The following TH variants were observed in gnomAD, a reference collection of about 807,000 sequenced individuals.
TH encodes the protein tyrosine hydroxylase.
In TH, 49 loss-of-function variants were observed where a neutral mutation model predicts 57.4. The observed-to-expected ratio is 0.85, with a 90% CI of 0.68 to 1.08. The LOEUF is 1.08. Among genes scored for constraint, TH ranks in the 50% least tolerant of loss-of-function variants. TH has a pLI of 0.00. For missense variants in TH, 720 were observed against 696.7 expected (o/e 1.03, Z -0.38); for synonymous variants, 330 against 304.5 (o/e 1.08, Z -0.87).
Position 2,164,148 on chromosome 11 carries a change from G to T in TH, c.*85C>A. 8.0e-7 allele frequency: 1 copy of T among 1,256,378 alleles called. No individual in the cohort carries two copies. Among genetic ancestry groups the T allele is most frequent in the Non-Finnish European group, 1.0e-6 (1 of 979,796 alleles). 77.8% of individuals were successfully genotyped at this position (1,256,378 alleles called of 1,614,324 possible). ...GCAGGGAGGGCATGGGGGGCACCCGGGACCCAGCCCCTCACCAGGGCCTGA... is the reference window on the plus strand; with the variant it reads ...GCAGGGAGGGCATGGGGGGCACCCGTGACCCAGCCCCTCACCAGGGCCTGA... On this transcript the variant is annotated 3_prime_UTR_variant, in exon 13 of 13. Transcript: ENST00000352909.
At chr11:2,168,736 G>A in intron 2 of TH, 71 bp from the exon 3 acceptor site, 2 of 456,336 alleles carry the variant, frequency 4.4e-6, no homozygotes, top group Non-Finnish European at 4.5e-6. Flanking sequence ...GGTGGGGTGG[G>A]CGGGGAGGAG....
At chr11:2,168,261 C>T (rs1057198007) in intron 3 of TH, 82 bp from the exon 4 acceptor site, 17 of 1,507,326 alleles carry the variant, frequency 1.1e-5, no homozygotes, top group Non-Finnish European at 1.5e-5. Context: ...GCCTCCCCTA[C>T]AAGACTTCCG....
rs1385703802 is a variant in TH at position 2,170,527 on chromosome 11, G to A, written c.91-656C>T. Reference sequence around the variant, plus strand: ...CCCAGAGCCGTCCCAGGCCTGGACAGAGGGGGACTTGGCAGACACCTGGGG... The same window carrying A: ...CCCAGAGCCGTCCCAGGCCTGGACAAAGGGGGACTTGGCAGACACCTGGGG... On this transcript the variant is annotated intron_variant, in intron 1 of 12. Coordinates refer to ENST00000352909, the MANE Select transcript of TH (RefSeq NM_000360.4). The surrounding 1 kb of genome is among the most constrained non-coding windows in gnomAD (Gnocchi z 6.0). 1.3e-5 allele frequency among the ~76,000 whole-genome samples: 2 copies of A among 152,172 alleles called. No individual in the cohort carries two copies. The highest frequency in any genetic ancestry group is 2.4e-5 in the African/African-American group (1 of 41,440).
rs1050669559 is a variant in TH at position 2,171,402 on chromosome 11, C to G, written c.90+295G>C. Among the ~76,000 whole-genome samples, 1 of 151,740 alleles carries G rather than the reference C, an allele frequency of 6.6e-6. No individual in the cohort carries two copies. The highest frequency in any genetic ancestry group is 2.4e-5 in the African/African-American group (1 of 41,256). ...GATGGATTTGTTTCCACATTCCGAT[C>G]GTTAAGATTCAAGATGAAACAAGAC... On this transcript the variant is annotated intron_variant, in intron 1 of 12. Coordinates refer to ENST00000352909, the MANE Select transcript of TH (RefSeq NM_000360.4). The surrounding 1 kb of genome is among the most constrained non-coding windows in gnomAD (Gnocchi z 8.6).
Position 2,170,749 on chromosome 11 carries a change from T to C in TH, c.91-878A>G. 1.4e-6 allele frequency: 2 copies of C among 1,458,020 alleles called. No homozygotes were observed. The highest frequency in any genetic ancestry group is 1.8e-6 in the Non-Finnish European group (2 of 1,099,458). The allele number at this position is 1,458,020 out of a possible 1,614,324, so 90.3% of individuals were successfully genotyped here. A position where few individuals can be genotyped will look rare whatever the true frequency, so the allele number is the denominator to read the frequency against. ...GCAGTTCCAGGCCACGGAGAGCCTG[T>C]GAGGCTGGGCCCCGGGGCGCCCTGG... On this transcript the variant is annotated intron_variant, in intron 1 of 12. Coordinates refer to ENST00000352909, the MANE Select transcript of TH (RefSeq NM_000360.4). This position sits in a 1 kb window ranked among gnomAD's most constrained non-coding sequence, Gnocchi z 6.0.
intron 12 of TH, 142 bp from the exon 13 acceptor site, chr11:2,164,534 G>A (rs1399994643): frequency 1.3e-5 from 12 of 924,600 alleles, no homozygotes; most frequent in Admixed American, 6.7e-5. Context: ...GGTCACAGGC[G>A]GGACACTGAG....
Position 2,164,356 on chromosome 11 carries a change from C to T in TH, c.1371G>A (p.Val457=). The change falls in exon 13 of 13, where the codon GTG becomes GTA. Residue 457 remains valine (V), a synonymous_variant. Coordinates refer to ENST00000352909, the MANE Select transcript of TH (RefSeq NM_000360.4). ...TGGCCAGCGTGTACGGGTCGAACTTCACGGAGAAGGGGCGCTGGATGCGTG... is the reference window on the plus strand; with the variant it reads ...TGGCCAGCGTGTACGGGTCGAACTTTACGGAGAAGGGGCGCTGGATGCGTG... ...YASRIQRPFS[V]KFDPYTLAID... 2 of 1,549,940 alleles carry T rather than the reference C, an allele frequency of 1.3e-6. No individual in the cohort carries two copies. Among genetic ancestry groups the T allele is most frequent in the Non-Finnish European group, 1.7e-6 (2 of 1,145,538 alleles).
rs2133691226 is a variant in TH at position 2,166,062 on chromosome 11, T to C, written c.1048-4A>G. 19 of 1,554,182 alleles carry C rather than the reference T, an allele frequency of 1.2e-5. No individual in the cohort carries two copies. The highest frequency in any genetic ancestry group is 1.7e-5 in the Non-Finnish European group (19 of 1,148,546). On this transcript the variant is annotated splice_polypyrimidine_tract_variant and splice_region_variant and intron_variant, in intron 9 of 12. Coordinates refer to ENST00000352909, the MANE Select transcript of TH (RefSeq NM_000360.4). ...CCAGGGACGCCAGGCCAATGTCCTGTGGAGCAGGGAGGATGAAGGATGGGG... is the reference window on the plus strand; with the variant it reads ...CCAGGGACGCCAGGCCAATGTCCTGCGGAGCAGGGAGGATGAAGGATGGGG...
chr11:2,165,420 A>C (rs1846060860), intron 11 of TH, 55 bp from the exon 12 acceptor site: 9 of 1,600,210 alleles, frequency 5.6e-6, no homozygotes, highest in Non-Finnish European at 7.6e-6. Context: ...CCCCGAGGGA[A>C]CTGGGGCACC....
chr11:2,169,100 C>G (rs1309561896), intron 2 of TH, among the ~76,000 whole-genome samples: 1 of 152,200 alleles, frequency 6.6e-6, no homozygotes, highest in Non-Finnish European at 1.5e-5. Context: ...TCCACCCCCA[C>G]CTCCTGTTGC....
chr11:2,168,076 GGGCGCACCA>G lies in TH; in HGVS notation c.576+6_576+14del, dbSNP rs775531779. On this transcript the variant is annotated splice_donor_region_variant and intron_variant, in intron 4 of 12. Coordinates refer to ENST00000352909, the MANE Select transcript of TH (RefSeq NM_000360.4). ...ATCAGGGGCAGGAGGCCTGAGTGAG[GGGCGCACCA>G]CTCACCGGGTGGTCCAAGTCCAGGT... The G allele has an allele frequency of 7.2e-5, 116 of 1,612,302 alleles. 1 individual carries two copies. The Middle Eastern group carries it at 1.5e-3, about 21-fold the overall frequency.
Position 2,170,801 on chromosome 11 carries a change from G to C in TH, c.90+896C>G, listed in dbSNP as rs780292616. 1.3e-4 allele frequency: 114 copies of C among 885,470 alleles called. No homozygotes were observed. Among genetic ancestry groups the C allele is most frequent in the Non-Finnish European group, 1.8e-4 (101 of 571,740 alleles). The allele number at this position is 885,470 out of a possible 1,614,324, so 54.9% of individuals were successfully genotyped here. Reference sequence around the variant, plus strand: ...GAGGGGATGCCTGATGGGGAGCCTGGTGGGGGAGGGTAGGGGAGGGCGGGG... The same window carrying C: ...GAGGGGATGCCTGATGGGGAGCCTGCTGGGGGAGGGTAGGGGAGGGCGGGG... On this transcript the variant is annotated intron_variant, in intron 1 of 12. Transcript: ENST00000352909. This position sits in a 1 kb window ranked among gnomAD's most constrained non-coding sequence, Gnocchi z 6.0.
chr11:2,168,477 G>A lies in TH; in HGVS notation c.487+14C>T. 2 of 1,611,922 alleles carry A rather than the reference G, an allele frequency of 1.2e-6. No homozygotes were observed. The highest frequency in any genetic ancestry group is 8.5e-7 in the Non-Finnish European group (1 of 1,179,668). On this transcript the variant is annotated intron_variant, in intron 3 of 12. Coordinates refer to ENST00000352909, the MANE Select transcript of TH (RefSeq NM_000360.4). ...GGTCATTTGGTGGCCCTCAAGGACA[G>A]AAAACCGCCTCACCCTTGGGCCCCG...
chr11:2,168,726 G>A, intron 2 of TH, 61 bp from the exon 3 acceptor site: 2 of 1,141,638 alleles, frequency 1.8e-6, no homozygotes, highest in Non-Finnish European at 1.3e-6. Flanking sequence ...GGAGAGAGAG[G>A]GTGGGGTGGG....
At chr11:2,167,287 C>T in intron 6 of TH, 148 bp downstream of exon 6, 3 of 1,085,500 alleles carry the variant, frequency 2.8e-6, no homozygotes, top group Non-Finnish European at 2.7e-6. Flanking sequence ...CCTCCCAACC[C>T]AACATTCTGA....
At position 2,164,292 on chromosome 11, in the gene TH, G is replaced by A. The variant is rs2133686613; in HGVS notation, c.1435C>T (p.Leu479=). 8.6e-6 allele frequency: 13 copies of A among 1,511,896 alleles called. No individual in the cohort carries two copies. Among genetic ancestry groups the A allele is most frequent in the Non-Finnish European group, 1.2e-5 (13 of 1,126,756 alleles). The allele number at this position is 1,511,896 out of a possible 1,614,324, so 93.7% of individuals were successfully genotyped here. A position where few individuals can be genotyped will look rare whatever the true frequency, so the allele number is the denominator to read the frequency against. Residue 479 remains leucine (L), a synonymous_variant, in exon 13 of 13, where the codon CTG becomes TTG. Coordinates refer to ENST00000352909, the MANE Select transcript of TH (RefSeq NM_000360.4). ...TCCAGCTCATCCTGGACACCCTCCA[G>A]GGAGCGCCGCACGGCCTGGGGGCTG... ...LDSPQAVRRS[L]EGVQDELDTL...
rs1299032179 is a variant in TH at position 2,166,283 on chromosome 11, G to T, written c.1047+197C>A. 15 of 902,598 alleles carry T rather than the reference G, an allele frequency of 1.7e-5. No individual in the cohort carries two copies. The East Asian group carries it at 3.4e-4, about 21-fold the overall frequency. 55.9% of individuals were successfully genotyped at this position (902,598 alleles called of 1,614,324 possible). On this transcript the variant is annotated intron_variant, in intron 9 of 12. Coordinates refer to ENST00000352909, the MANE Select transcript of TH (RefSeq NM_000360.4). ...CCGTGGGCGCCGTTCCCAGGTAGCCGGCAGGTGGCAGCACAGGCCGTGGGA... is the reference window on the plus strand; with the variant it reads ...CCGTGGGCGCCGTTCCCAGGTAGCCTGCAGGTGGCAGCACAGGCCGTGGGA...
chr11:2,167,228 G>A (rs1366823568), intron 6 of TH, 196 bp from the exon 7 acceptor site: 5 of 980,880 alleles, frequency 5.1e-6, no homozygotes, highest in Non-Finnish European at 7.5e-6. Flanking sequence ...GCCATGAGGG[G>A]CGGTCCCTCA....
Position 2,170,663 on chromosome 11 carries a change from C to T in TH, c.91-792G>A, listed in dbSNP as rs1365417691. 1 of 1,564,788 alleles carries T rather than the reference C, an allele frequency of 6.4e-7. No individual in the cohort carries two copies. The highest frequency in any genetic ancestry group is 8.7e-7 in the Non-Finnish European group (1 of 1,145,786). ...GGAACATGAAGGGGAGCAGCAGAAG[C>T]CCCTCCCAGAGTCCCCTCTTACTTA... On this transcript the variant is annotated intron_variant, in intron 1 of 12. Transcript: ENST00000352909. The surrounding 1 kb of genome is among the most constrained non-coding windows in gnomAD (Gnocchi z 6.0).
Sources: allele counts gnomAD v4.1 joint callset (sites outside exome capture counted in the v4.1 genomes callset), GRCh38; gene constraint gnomAD v4.1.1; non-coding constraint Gnocchi (gnomAD v3.1); transcripts MANE v1.5; gene names NCBI Gene and HGNC (gene_info 2026-07-23, HGNC 2026-07-21).